Variants in LINGO2 observed in about 807,000 individuals in gnomAD.
LINGO2 encodes the protein leucine-rich repeat and immunoglobulin-like domain-containing nogo receptor-interacting protein 2.
A neutral mutation model predicts 30.6 loss-of-function variants in LINGO2; 14 were observed. The observed-to-expected ratio is 0.46, with a 90% CI of 0.30 to 0.72. The LOEUF is 0.72. Among genes scored for constraint, LINGO2 ranks in the 30% least tolerant of loss-of-function variants. The probability of loss-of-function intolerance (pLI) is 0.07; values close to 1 mark genes in which losing one functional copy is unlikely to be tolerated. For missense variants in LINGO2, 729 were observed against 751.7 expected (o/e 0.97, Z 0.35); for synonymous variants, 317 against 288.5 (o/e 1.10, Z -1.00).
intron 3 of LINGO2, among the ~76,000 whole-genome samples, chr9:28,324,646 T>C (rs1464138517): frequency 2.0e-5 from 3 of 152,254 alleles, no homozygotes; most frequent in Admixed American, 6.5e-5. Context: ...CTTCCACCAG[T>C]GCCATAACAG....
the LINGO2 span, among the ~76,000 whole-genome samples, chr9:28,797,359 T>TATATATATATATATAGAGAG: frequency 1.5e-4 from 5 of 34,208 alleles, no homozygotes; most frequent in African/African-American, 2.9e-4. Context: ...TATATATATA[T>TATATATATATATATAGAGAG]AGAGAGAGAG....
At position 28,055,664 on chromosome 9, in the gene LINGO2, A is replaced by G. The variant is rs901889491; in HGVS notation, c.-86-43259T>C. ...TGCTATTAAGTTTGTTAGGTTTGCT[A>G]GATTGTCAAAAAACAAAATGCTTCT... On this transcript the variant is annotated intron_variant, in intron 4 of 5. Coordinates refer to ENST00000379992, the Ensembl canonical transcript of LINGO2. Among the ~76,000 whole-genome samples, 5 of 152,172 alleles carry G rather than the reference A, an allele frequency of 3.3e-5. No homozygotes were observed. In the South Asian group the frequency reaches 1.0e-3, roughly 31 times the overall value.
intron 5 of LINGO2, among the ~76,000 whole-genome samples, chr9:27,966,157 T>A (rs953731665): frequency 1.3e-5 from 2 of 152,130 alleles, no homozygotes; most frequent in African/African-American, 4.8e-5. Context: ...CTGAAAACCC[T>A]TTTTGATGCA....
At position 27,951,687 on chromosome 9, in the gene LINGO2, A is replaced by C. The variant is rs116265281; in HGVS notation, c.-35-981T>G. Among the ~76,000 whole-genome samples, 651 of 152,220 alleles carry C rather than the reference A, an allele frequency of 4.3e-3. 6 individuals are homozygous for C. Among genetic ancestry groups the C allele is most frequent in the African/African-American group, 0.015 (628 of 41,540 alleles). On this transcript the variant is annotated intron_variant, in intron 5 of 5. Coordinates refer to ENST00000379992, the Ensembl canonical transcript of LINGO2. ...GGTGTATTACTGAGCTCTGCTTTTC[A>C]ACTTGGGGTTCTCAGGGGTACACTT...
intron 5 of LINGO2, among the ~76,000 whole-genome samples, chr9:28,011,550 C>G (rs915469166): frequency 2.0e-5 from 3 of 152,166 alleles, no homozygotes; most frequent in African/African-American, 7.2e-5. Flanking sequence ...TTGCTGCACA[C>G]TCAAATACAT....
At chr9:28,771,009 G>C in the LINGO2 span, among the ~76,000 whole-genome samples, 1 of 152,188 alleles carries the variant, frequency 6.6e-6, no homozygotes, top group African/African-American at 2.4e-5. Context: ...CATTAGCCAA[G>C]TGCTCAAGGC....
the LINGO2 span, among the ~76,000 whole-genome samples, chr9:28,880,864 T>C: frequency 2.0e-5 from 3 of 152,252 alleles, no homozygotes; most frequent in African/African-American, 7.2e-5. Flanking sequence ...GCTGAGATGT[T>C]TGGGTGGAGG....
At chr9:28,750,715 G>T in the LINGO2 span, among the ~76,000 whole-genome samples, 1 of 152,010 alleles carries the variant, frequency 6.6e-6, no homozygotes, top group Non-Finnish European at 1.5e-5. Flanking sequence ...CATCTGTTAT[G>T]TGGAGAAAAT....
intron 1 of LINGO2, among the ~76,000 whole-genome samples, chr9:28,545,405 T>A (rs75950976): frequency 6.6e-6 from 1 of 152,092 alleles, no homozygotes. Flanking sequence ...AATTAAAATA[T>A]ATCTGCTGGA....
chr9:28,769,504 ATATATATATATATATTTTTTTTTTTTTTT>A, the LINGO2 span, among the ~76,000 whole-genome samples: 187 of 3,366 alleles, frequency 0.056, 29 homozygotes, highest in East Asian at 0.32. Flanking sequence ...ATATATATAT[ATATATATATATATATTTTTTTTTTTTTTT>A]TTTTTTTTTT....
At chr9:29,088,200 A>G in the LINGO2 span, among the ~76,000 whole-genome samples, 1 of 152,126 alleles carries the variant, frequency 6.6e-6, no homozygotes. Flanking sequence ...ATTGCCTTCA[A>G]GCTCACAAAG....
chr9:28,003,322 A>T (rs2119162512), intron 5 of LINGO2, among the ~76,000 whole-genome samples: 1 of 147,518 alleles, frequency 6.8e-6, no homozygotes, highest in South Asian at 2.2e-4. Context: ...GTTTTTGTTA[A>T]CCATATAGAT....
At chr9:28,614,250 A>G (rs960698835) in intron 1 of LINGO2, among the ~76,000 whole-genome samples, 1 of 152,144 alleles carries the variant, frequency 6.6e-6, no homozygotes, top group Non-Finnish European at 1.5e-5. Flanking sequence ...ATCATTTTTT[A>G]TTATAGAATA....
chr9:29,062,568 T>C, the LINGO2 span, among the ~76,000 whole-genome samples: 6 of 152,126 alleles, frequency 3.9e-5, no homozygotes, highest in East Asian at 9.7e-4. Flanking sequence ...TCATGCTAAG[T>C]GAAATAAGCC....
At chr9:28,493,524 G>T (rs1034247930) in intron 1 of LINGO2, among the ~76,000 whole-genome samples, 2 of 152,108 alleles carry the variant, frequency 1.3e-5, no homozygotes, top group Admixed American at 6.6e-5. Context: ...TTTTCTAGCT[G>T]TTTCAGAGCA....
At chr9:28,402,720 G>C (rs1822322343) in intron 2 of LINGO2, among the ~76,000 whole-genome samples, 1 of 151,882 alleles carries the variant, frequency 6.6e-6, no homozygotes, top group African/African-American at 2.4e-5. Context: ...CATCTGACAT[G>C]ACATGCACAC....
chr9:28,161,956 T>C (rs1160899930), intron 4 of LINGO2, among the ~76,000 whole-genome samples: 1 of 152,190 alleles, frequency 6.6e-6, no homozygotes, highest in Non-Finnish European at 1.5e-5. Flanking sequence ...ATTTCATTAA[T>C]ATATTTTTAA....
At chr9:28,227,870 C>T (rs1412159223) in intron 4 of LINGO2, among the ~76,000 whole-genome samples, 1 of 152,048 alleles carries the variant, frequency 6.6e-6, no homozygotes, top group African/African-American at 2.4e-5. Flanking sequence ...CTACAGGATA[C>T]TGAAATGCAA....
At chr9:28,400,101 G>C (rs1040081794) in intron 2 of LINGO2, among the ~76,000 whole-genome samples, 1 of 152,132 alleles carries the variant, frequency 6.6e-6, no homozygotes, top group African/African-American at 2.4e-5. Flanking sequence ...TGCAATGGGG[G>C]TGTCTGAAGC....
Sources: gnomAD v4.1 joint callset for allele counts (sites outside exome capture counted in the v4.1 genomes callset) on GRCh38, gnomAD v4.1.1 for gene constraint, MANE v1.5 for transcripts, NCBI Gene and HGNC (gene_info 2026-07-23, HGNC 2026-07-21) for gene names.